XPOT: variants seen among roughly 807,000 people sequenced by gnomAD.
XPOT encodes exportin for tRNA.
Under a neutral mutation model 128.2 loss-of-function variants are expected in XPOT, and 34 were observed. The observed-to-expected ratio is 0.27, with a 90% CI of 0.20 to 0.35. XPOT has a LOEUF of 0.35. XPOT is among the 10% of genes least tolerant of loss of function. XPOT has a pLI of 1.00. For missense variants in XPOT, 838 were observed against 1,125.3 expected (o/e 0.74, Z 3.65); for synonymous variants, 348 against 394.3 (o/e 0.88, Z 1.39).
At chr12:64,422,902 C>CAA (rs201490602) in intron 9 of XPOT, 103 bp from the exon 10 acceptor site, 23,804 of 856,750 alleles carry the variant, frequency 0.028, no homozygotes, top group Middle Eastern at 0.031. Context: ...GACCTTGTCT[C>CAA]AAAAAAAAAA....
chr12:64,434,764 A>G (rs1304666818), intron 20 of XPOT, 30 bp from the exon 21 acceptor site: 9 of 1,599,228 alleles, frequency 5.6e-6, no homozygotes, highest in African/African-American at 1.3e-5. Flanking sequence ...ACTTTTATAT[A>G]TAAGATGAAA....
chr12:64,411,109 A>G (rs1028467787), intron 2 of XPOT, among the ~76,000 whole-genome samples: 2 of 152,216 alleles, frequency 1.3e-5, no homozygotes, highest in Non-Finnish European at 2.9e-5. Flanking sequence ...GATACAGGAA[A>G]ATAATAGGAA....
At chr12:64,419,840 C>A (rs1008166740) in intron 6 of XPOT, among the ~76,000 whole-genome samples, 1 of 152,170 alleles carries the variant, frequency 6.6e-6, no homozygotes, top group African/African-American at 2.4e-5. Flanking sequence ...GATTTCTAAG[C>A]AGTGCTTTTT....
chr12:64,446,283 GTC>G lies in XPOT; in HGVS notation c.2862+1154_2862+1155del, dbSNP rs202242449. Among the ~76,000 whole-genome samples, 581 of 152,284 alleles carry G rather than the reference GTC, an allele frequency of 3.8e-3. 3 individuals carry two copies. The highest frequency in any genetic ancestry group is 0.013 in the African/African-American group (548 of 41,562). The stretch of plus-strand genomic sequence containing the variant: ...TTTATCTGCATAGCATTTATAAAAA[GTC>G]TTCCTTCTGGGCCCAACTTCTCTTC... On this transcript the variant is annotated intron_variant, in intron 24 of 24. Coordinates refer to ENST00000332707, the MANE Select transcript of XPOT (RefSeq NM_007235.6).
Position 64,430,287 on chromosome 12 carries a change from G to T in XPOT, c.1976G>T (p.Ser659Ile). 6.4e-7 allele frequency: 1 copy of T among 1,559,936 alleles called. No individual in the cohort carries two copies. Among genetic ancestry groups the T allele is most frequent in the South Asian group, 1.2e-5 (1 of 80,996 alleles). Residue 659 changes from serine to isoleucine, a missense_variant and splice_region_variant, in exon 17 of 25, where the codon AGT (serine) becomes ATT (isoleucine). Around this residue, in one of 3 missense-constraint regions of XPOT, gnomAD observed 761 missense variants for 988.3 expected, o/e 0.77. Coordinates refer to ENST00000332707, the MANE Select transcript of XPOT (RefSeq NM_007235.6). ...CTTAACCATGCTGTTGGATTTGCAA[G>T]GTAAGTGTGATCACAGTTAAAATTA... The part of the protein sequence containing the change: ...DCLNHAVGFA[S>I]RTSKAFSNKQ...
At chr12:64,411,441 C>G (rs1302084468) in intron 2 of XPOT, among the ~76,000 whole-genome samples, 3 of 152,098 alleles carry the variant, frequency 2.0e-5, no homozygotes, top group Admixed American at 1.3e-4. Flanking sequence ...TTTTCTTTGC[C>G]TCTTAAGTTC....
rs1027845800 is a variant in XPOT at position 64,425,033 on chromosome 12, G to C, written c.1308-5G>C. 6.2e-7 allele frequency: 1 copy of C among 1,612,196 alleles called. No individual in the cohort carries two copies. Among genetic ancestry groups the C allele is most frequent in the Admixed American group, 1.7e-5 (1 of 59,988 alleles). ...AAATCTCACTGACATATTATACCTT[G>C]GTAGGAATTGGCAGACTACACGGTT... On this transcript the variant is annotated splice_region_variant and splice_polypyrimidine_tract_variant and intron_variant, in intron 12 of 24. Transcript: ENST00000332707.
Position 64,423,243 on chromosome 12 carries a change from AG to A in XPOT, c.1182+1del. 6.4e-7 allele frequency: 1 copy of A among 1,567,544 alleles called. No homozygotes were observed. The highest frequency in any genetic ancestry group is 8.6e-7 in the Non-Finnish European group (1 of 1,163,382). Reference protein sequence around the residue: ...TYDEEYNFENEGEDEAMFVEY... With the variant: ...TYDEEYNFENXGEDEAMFVEY... ...GATGAAGAATATAACTTTGAAAATGAGGTAAGAATTTTTTTTTGTTGAGGAG... is the reference window on the plus strand; with the variant it reads ...GATGAAGAATATAACTTTGAAAATGAGTAAGAATTTTTTTTTGTTGAGGAG... On this transcript the variant is annotated frameshift_variant and splice_region_variant, in exon 11 of 25. Transcript: ENST00000332707. LOFTEE classifies it high-confidence loss of function.
chr12:64,419,552 G>T (rs956046073), intron 6 of XPOT, among the ~76,000 whole-genome samples: 1 of 152,116 alleles, frequency 6.6e-6, no homozygotes, highest in African/African-American at 2.4e-5. Context: ...CAGGTGATCC[G>T]CCCGCCTTGC....
rs185375678 is a variant in XPOT at position 64,449,656 on chromosome 12, A to G, written c.*1525A>G. On this transcript the variant is annotated 3_prime_UTR_variant, in exon 25 of 25. Transcript: ENST00000332707. Reference sequence around the variant, plus strand: ...ACATTTCAAACATTTTTCTTACACCATATAATAAAAATACTTAACTAAATT... The same window carrying G: ...ACATTTCAAACATTTTTCTTACACCGTATAATAAAAATACTTAACTAAATT... 10 of 152,346 alleles carry G rather than the reference A, an allele frequency of 6.6e-5. No homozygotes were observed. Among genetic ancestry groups the G allele is most frequent in the Non-Finnish European group, 1.0e-4 (7 of 68,032 alleles). 9.4% of individuals were successfully genotyped at this position (152,346 alleles called of 1,614,324 possible).
At chr12:64,424,547 GC>G in intron 11 of XPOT, 51 bp from the exon 12 acceptor site, 1 of 1,601,650 alleles carries the variant, frequency 6.2e-7, no homozygotes, top group Non-Finnish European at 8.5e-7. Context: ...GTGGTTTGCT[GC>G]GCCGATCAAC....
intron 16 of XPOT, among the ~76,000 whole-genome samples, chr12:64,429,604 C>T (rs189021239): frequency 5.0e-4 from 76 of 152,142 alleles, no homozygotes; most frequent in African/African-American, 1.7e-3. Flanking sequence ...CCACACCCAG[C>T]TAATTTTTGT....
intron 2 of XPOT, among the ~76,000 whole-genome samples, chr12:64,414,695 T>C (rs1021945349): frequency 2.6e-5 from 4 of 152,222 alleles, no homozygotes; most frequent in African/African-American, 9.7e-5. Context: ...GGTTTGATTA[T>C]CTAACTGATG....
In XPOT at chr12:64,449,369, C is replaced by G. The variant is rs2040391977; in HGVS notation, c.*1238C>G. 6.6e-6 allele frequency: 1 copy of G among 152,062 alleles called. No homozygotes were observed. Among genetic ancestry groups the G allele is most frequent in the African/African-American group, 2.4e-5 (1 of 41,386 alleles). 9.4% of individuals were successfully genotyped at this position (152,062 alleles called of 1,614,324 possible). A position where few individuals can be genotyped will look rare whatever the true frequency, so the allele number is the denominator to read the frequency against. On this transcript the variant is annotated 3_prime_UTR_variant, in exon 25 of 25. Coordinates refer to ENST00000332707, the MANE Select transcript of XPOT (RefSeq NM_007235.6). ...TGCCTTCCTCCATTTTTATTCATGG[C>G]TACTTGAGAAAGCAAAAGGAAAAAA...
intron 15 of XPOT, among the ~76,000 whole-genome samples, chr12:64,427,369 C>T (rs1371592353): frequency 6.6e-6 from 1 of 152,122 alleles, no homozygotes; most frequent in Non-Finnish European, 1.5e-5. Context: ...GATCCACCCT[C>T]TTCAGCCTCC....
rs1489689271 is a variant in XPOT at position 64,450,595 on chromosome 12, A to G, written c.*2464A>G. On this transcript the variant is annotated 3_prime_UTR_variant, in exon 25 of 25. Transcript: ENST00000332707. ...ATAAAAATTAAACTCTTCATGTTAT[A>G]TAATCATGCATAACTTCTATCTTCA... 6.6e-6 allele frequency: 1 copy of G among 152,240 alleles called. No individual in the cohort carries two copies. The highest frequency in any genetic ancestry group is 1.5e-5 in the Non-Finnish European group (1 of 68,048). The allele number at this position is 152,240 out of a possible 1,614,324, so 9.4% of individuals were successfully genotyped here. A position where few individuals can be genotyped will look rare whatever the true frequency, so the allele number is the denominator to read the frequency against.
chr12:64,410,128 T>C lies in XPOT; in HGVS notation c.60+33T>C, dbSNP rs1046234240. The C allele has an allele frequency of 6.3e-6, 10 of 1,599,024 alleles. No homozygotes were observed. In the African/African-American group the frequency reaches 8.0e-5, roughly 13 times the overall value. On this transcript the variant is annotated intron_variant, in intron 2 of 24. Coordinates refer to ENST00000332707, the MANE Select transcript of XPOT (RefSeq NM_007235.6). ...ACTCTGCTGAATCATTTTTTAATCA[T>C]GTCACCACAGATTGGCATTAGAGGA... is the stretch of plus-strand genomic sequence containing the variant.
intron 16 of XPOT, 150 bp from the exon 17 acceptor site, chr12:64,429,899 C>T: frequency 1.6e-6 from 1 of 636,348 alleles, no homozygotes; most frequent in Non-Finnish European, 2.5e-6. Context: ...TCTTTTCATT[C>T]TATGGTCCTG....
At position 64,434,447 on chromosome 12, in the gene XPOT, T is replaced by C. The variant is rs2040266173; in HGVS notation, c.2453-60T>C. 7 of 1,157,904 alleles carry C rather than the reference T, an allele frequency of 6.0e-6. No individual in the cohort carries two copies. The Admixed American group carries it at 1.3e-4, about 21-fold the overall frequency. The allele number at this position is 1,157,904 out of a possible 1,614,324, so 71.7% of individuals were successfully genotyped here. On this transcript the variant is annotated intron_variant, in intron 19 of 24. Coordinates refer to ENST00000332707, the MANE Select transcript of XPOT (RefSeq NM_007235.6). The stretch of plus-strand genomic sequence containing the variant: ...TTGTTAATGTATATGAAAAGAGAAC[T>C]TCAGGTTGCTTTCCTAGTTAATTTT...
Sources: allele counts gnomAD v4.1 joint callset (sites outside exome capture counted in the v4.1 genomes callset), GRCh38; gene constraint gnomAD v4.1.1; regional missense constraint gnomAD v4.1.1; transcripts MANE v1.5; gene names NCBI Gene and HGNC (gene_info 2026-07-23, HGNC 2026-07-21).